The following C6orf132 variants were observed in gnomAD, a reference collection of about 807,000 sequenced individuals.
C6orf132 encodes the protein chromosome 6 open reading frame 132, also known as uncharacterized protein C6orf132.
Under a neutral mutation model 65.3 loss-of-function variants are expected in C6orf132, and 43 were observed. The observed-to-expected ratio is 0.66, with a 90% confidence interval of 0.52 to 0.85. The LOEUF (loss-of-function observed/expected upper bound fraction) is 0.85. Ranked by LOEUF, C6orf132 falls within the 40% of genes least tolerant of loss-of-function variation. The probability of loss-of-function intolerance (pLI) is 0.00; values close to 1 mark genes in which losing one functional copy is unlikely to be tolerated. For missense variants in C6orf132, 1,488 were observed against 1,548.8 expected (o/e 0.96, Z 0.66); for synonymous variants, 631 against 654.1 (o/e 0.96, Z 0.54).
Position 42,110,243 on chromosome 6 carries a change from C to T in C6orf132, c.301G>A (p.Asp101Asn), listed in dbSNP as rs1020846272. The T allele has an allele frequency of 1.9e-6, 3 of 1,548,538 alleles. No homozygotes were observed. The highest frequency in any genetic ancestry group is 2.6e-6 in the Non-Finnish European group (3 of 1,145,906). The change falls in exon 3 of 5, where the codon GAT (aspartate) becomes AAT (asparagine). Residue 101 changes from aspartate (D) to asparagine (N), a missense_variant. Transcript: ENST00000341865. ...GTCACTTCTTTGTCTGCAAAATCATCTGGAACCGAGGGGGTGGGCACAGCC... is the reference window on the plus strand; with the variant it reads ...GTCACTTCTTTGTCTGCAAAATCATTTGGAACCGAGGGGGTGGGCACAGCC... ...GLAVPTPSVP[D>N]DFADKEVTGT...
chr6:42,107,717 G>A (rs2127473941), intron 3 of C6orf132, 134 bp from the exon 4 acceptor site: 2 of 1,112,982 alleles, frequency 1.8e-6, no homozygotes, highest in Non-Finnish European at 2.6e-6. Context: ...AACACCAAGA[G>A]AGGGAGCAGC....
intron 1 of C6orf132, among the ~76,000 whole-genome samples, chr6:42,134,626 T>A (rs1447175484): frequency 6.6e-6 from 1 of 151,816 alleles, no homozygotes; most frequent in African/African-American, 2.4e-5. Context: ...ATACAAAAAT[T>A]AGCTGGGCGT....
Position 42,107,052 on chromosome 6 carries a change from G to T in C6orf132, c.860C>A (p.Ala287Asp). Residue 287 changes from alanine to aspartate, a missense_variant, in exon 4 of 5, where the codon GCC becomes GAC. Transcript: ENST00000341865. ...PRSPAEPKGS[A>D]LGPNPEPHLT... ...ATGGGGCTCTGGGTTAGGTCCCAGG[G>T]CGCTCCCCTTTGGCTCAGCAGGGCT... The T allele has an allele frequency of 1.3e-6, 2 of 1,509,326 alleles. No individual in the cohort carries two copies. The highest frequency in any genetic ancestry group is 1.8e-6 in the Non-Finnish European group (2 of 1,131,268). The allele number at this position is 1,509,326 out of a possible 1,614,324, so 93.5% of individuals were successfully genotyped here. A position where few individuals can be genotyped will look rare whatever the true frequency, so the allele number is the denominator to read the frequency against.
chr6:42,133,921 T>C (rs555521868), intron 1 of C6orf132, among the ~76,000 whole-genome samples: 30 of 149,422 alleles, frequency 2.0e-4, no homozygotes, highest in African/African-American at 7.7e-4. Context: ...CAAAAACCTG[T>C]TCCAAAAACA....
chr6:42,103,010 ATCCTAAACTTGCCAAGTGTCCTCTC>A lies in C6orf132; in HGVS notation c.*726_*750del, dbSNP rs541581107. 1,829 of 398,536 alleles carry A rather than the reference ATCCTAAACTTGCCAAGTGTCCTCTC, an allele frequency of 4.6e-3. 23 individuals are homozygous for A. Among genetic ancestry groups the A allele is most frequent in the African/African-American group, 0.033 (1,600 of 48,686 alleles). The allele number at this position is 398,536 out of a possible 1,614,324, so 24.7% of individuals were successfully genotyped here. On this transcript the variant is annotated 3_prime_UTR_variant, in exon 5 of 5. Coordinates refer to ENST00000341865, the MANE Select transcript of C6orf132 (RefSeq NM_001164446.3). Reference sequence around the variant, plus strand: ...AAAGCCAGGCTTAACCTTGTTTCCCATCCTAAACTTGCCAAGTGTCCTCTCTCTAGGCCTCCCTGTAGCTAAGGGC... The same window carrying A: ...AAAGCCAGGCTTAACCTTGTTTCCCATCTAGGCCTCCCTGTAGCTAAGGGC...
chr6:42,104,440 C>A lies in C6orf132; in HGVS notation c.3449+23G>T. 1 of 1,230,304 alleles carries A rather than the reference C, an allele frequency of 8.1e-7. No homozygotes were observed. Among genetic ancestry groups the A allele is most frequent in the Non-Finnish European group, 1.0e-6 (1 of 987,172 alleles). 76.2% of individuals were successfully genotyped at this position (1,230,304 alleles called of 1,614,324 possible). A position where few individuals can be genotyped will look rare whatever the true frequency, so the allele number is the denominator to read the frequency against. On this transcript the variant is annotated intron_variant, in intron 4 of 4. Coordinates refer to ENST00000341865, the MANE Select transcript of C6orf132 (RefSeq NM_001164446.3). The surrounding 1 kb of genome is among the most constrained non-coding windows in gnomAD (Gnocchi z 4.1). ...GCTTTCCACCCCTCCTGGCTTCCCG[C>A]ACCAGCCGGGCCCGCAGCTCACCTG...
rs1351510746 is a variant in C6orf132, at chr6:42,107,422, G to A, written c.490C>T (p.Pro164Ser). The A allele has an allele frequency of 1.3e-6, 2 of 1,507,094 alleles. No homozygotes were observed. The highest frequency in any genetic ancestry group is 2.1e-5 in the Admixed American group (1 of 48,288). The allele number at this position is 1,507,094 out of a possible 1,614,324, so 93.4% of individuals were successfully genotyped here. The change falls in exon 4 of 5, where the codon CCA (proline) becomes TCA (serine). Residue 164 changes from proline to serine, a missense_variant. Coordinates refer to ENST00000341865, the MANE Select transcript of C6orf132 (RefSeq NM_001164446.3). ...GGGGGTGCTGTGGAAGGTGGAGATG[G>A]CAGTGGCGACCCCCCTGGAGGTTCT... ...ISEPPGGSPL[P>S]SPPSTAPPPP...
At chr6:42,113,928 A>G (rs61496800) in intron 2 of C6orf132, among the ~76,000 whole-genome samples, 21,065 of 152,186 alleles carry the variant, frequency 0.14, 2,356 homozygotes, top group African/African-American at 0.29. Context: ...CAGGAAACCA[A>G]TGCTAGTTGA....
At chr6:42,129,195 T>C (rs1408284943) in intron 1 of C6orf132, among the ~76,000 whole-genome samples, 2 of 152,226 alleles carry the variant, frequency 1.3e-5, no homozygotes, top group South Asian at 2.1e-4. Flanking sequence ...ATTTCTAATC[T>C]GAAACATGCA....
At chr6:42,129,385 T>C (rs1766819979) in intron 1 of C6orf132, among the ~76,000 whole-genome samples, 1 of 152,132 alleles carries the variant, frequency 6.6e-6, no homozygotes, top group South Asian at 2.1e-4. Context: ...GGTTAAAAAA[T>C]CCCAGCTCTG....
At position 42,106,468 on chromosome 6, in the gene C6orf132, T is replaced by C; in HGVS notation, c.1444A>G (p.Arg482Gly). The change falls in exon 4 of 5, where the codon AGG becomes GGG. Residue 482 changes from arginine to glycine, a missense_variant. Physicochemically the swap from Arg to Gly is moderately radical, Grantham distance 125. Coordinates refer to ENST00000341865, the MANE Select transcript of C6orf132 (RefSeq NM_001164446.3). Reference sequence around the variant, plus strand: ...TGACTGAGGAATCGGTCCTCTCTCCTGGAGCCACAGAGATAGGCTGCCAGC... The same window carrying C: ...TGACTGAGGAATCGGTCCTCTCTCCCGGAGCCACAGAGATAGGCTGCCAGC... Reference protein sequence around the residue: ...NELAAYLCGSRREDRFLSHRP... With the variant: ...NELAAYLCGSGREDRFLSHRP... The C allele has an allele frequency of 2.0e-6, 3 of 1,536,218 alleles. No individual in the cohort carries two copies. Among genetic ancestry groups the C allele is most frequent in the Middle Eastern group, 1.7e-4 (1 of 5,986 alleles).
intron 1 of C6orf132, among the ~76,000 whole-genome samples, chr6:42,137,198 A>G (rs750117129): frequency 2.6e-5 from 4 of 152,178 alleles, no homozygotes; most frequent in African/African-American, 4.8e-5. Flanking sequence ...GGTGACAATA[A>G]TTACATTACT....
Position 42,103,650 on chromosome 6 carries a change from C to T in C6orf132, c.*111G>A, listed in dbSNP as rs1484703993. ...TTGGGGATCAAAGACTCCTCTGTGT[C>T]TGAGTCAGGTCGCCCAACACCTGCT... On this transcript the variant is annotated 3_prime_UTR_variant, in exon 5 of 5. Coordinates refer to ENST00000341865, the MANE Select transcript of C6orf132 (RefSeq NM_001164446.3). The T allele has an allele frequency of 5.3e-6, 3 of 563,076 alleles. No homozygotes were observed. The highest frequency in any genetic ancestry group is 8.2e-6 in the Non-Finnish European group (3 of 364,576). 34.9% of individuals were successfully genotyped at this position (563,076 alleles called of 1,614,324 possible).
At chr6:42,121,660 C>T (rs561879611) in intron 2 of C6orf132, among the ~76,000 whole-genome samples, 33 of 152,362 alleles carry the variant, frequency 2.2e-4, no homozygotes, top group African/African-American at 7.9e-4. Flanking sequence ...GGGTAGCAGC[C>T]AGCTCGGAGT....
intron 1 of C6orf132, among the ~76,000 whole-genome samples, chr6:42,136,453 G>A (rs540843666): frequency 1.2e-4 from 19 of 152,290 alleles, no homozygotes; most frequent in African/African-American, 4.6e-4. Context: ...AGGAGGATTC[G>A]GGCCTTAGCT....
In C6orf132 at chr6:42,105,150, C is replaced by A; in HGVS notation, c.2762G>T (p.Gly921Val). The change falls in exon 4 of 5, where the codon GGA becomes GTA. Residue 921 changes from glycine (G) to valine (V), a missense_variant. Coordinates refer to ENST00000341865, the MANE Select transcript of C6orf132 (RefSeq NM_001164446.3). ...CAGCTCTGTGCCCTCTGCGTCTCTT[C>A]CCAGCCGCGGCCCCCACTTATTGGG... ...EIPNKWGPRL[G>V]RDAEGTELSR... The A allele has an allele frequency of 6.5e-7, 1 of 1,537,022 alleles. No individual in the cohort carries two copies. Among genetic ancestry groups the A allele is most frequent in the Non-Finnish European group, 8.7e-7 (1 of 1,146,810 alleles).
chr6:42,115,474 G>C (rs529193920), intron 2 of C6orf132, among the ~76,000 whole-genome samples: 3 of 150,052 alleles, frequency 2.0e-5, no homozygotes, highest in South Asian at 4.2e-4. Flanking sequence ...GCGAAACCCC[G>C]CCTCTACTAA....
intron 2 of C6orf132, among the ~76,000 whole-genome samples, chr6:42,120,489 G>A (rs962628371): frequency 6.6e-5 from 10 of 150,758 alleles, no homozygotes; most frequent in Admixed American, 1.3e-4. Flanking sequence ...CTCATGATCC[G>A]CCCGCCTAGG....
intron 1 of C6orf132, among the ~76,000 whole-genome samples, chr6:42,131,547 C>T (rs1766853816): frequency 6.6e-6 from 1 of 152,190 alleles, no homozygotes; most frequent in Admixed American, 6.5e-5. Flanking sequence ...ACATACACCC[C>T]TAAAGGGAAG....
Sources: allele counts gnomAD v4.1 joint callset (sites outside exome capture counted in the v4.1 genomes callset), GRCh38; gene constraint gnomAD v4.1.1; non-coding constraint Gnocchi (gnomAD v3.1); transcripts MANE v1.5; gene names NCBI Gene and HGNC (gene_info 2026-07-23, HGNC 2026-07-21).